XYLT1: variants seen among roughly 807,000 people sequenced by gnomAD.
XYLT1 encodes the protein xylosyltransferase 1, also known as beta-D-xylosyltransferase 1.
Under a neutral mutation model 91.3 loss-of-function variants are expected in XYLT1, and 36 were observed. The observed-to-expected ratio is 0.39, with a 90% CI of 0.30 to 0.52. The LOEUF (loss-of-function observed/expected upper bound fraction) is 0.52, where lower values mean the gene tolerates loss of function less well. Ranked by LOEUF, XYLT1 falls within the 20% of genes least tolerant of loss-of-function variation. The pLI, the probability that XYLT1 is intolerant of heterozygous loss-of-function variation, is 0.68. For missense variants in XYLT1, 1,242 were observed against 1,284.5 expected, an observed-to-expected ratio of 0.97 and a Z score of 0.51; for synonymous variants, 588 against 532.0, an observed-to-expected ratio of 1.11 and a Z score of -1.45.
At chr16:17,447,796 C>T (rs1027826294) in intron 1 of XYLT1, among the ~76,000 whole-genome samples, 1 of 152,184 alleles carries the variant, frequency 6.6e-6, no homozygotes. Flanking sequence ...GCCTCAATGT[C>T]CACATTTGTA....
At position 17,232,466 on chromosome 16, in the gene XYLT1, T is replaced by TA. The variant is rs56385418; in HGVS notation, c.913+26521_913+26522insT. The stretch of plus-strand genomic sequence containing the variant: ...ATATATATACATATATATATATATA[T>TA]TGCCCATGTCAAAAAGTTCTGAATC... On this transcript the variant is annotated intron_variant, in intron 3 of 11. Coordinates refer to ENST00000261381, the MANE Select transcript of XYLT1 (RefSeq NM_022166.4). Among the ~76,000 whole-genome samples the TA allele has an allele frequency of 2.6e-4, 37 of 143,130 alleles. No individual in the cohort carries two copies. In the South Asian group the frequency reaches 6.8e-3, roughly 26 times the overall value. The allele number at this position is 143,130 out of a possible 152,430, so 93.9% of individuals were successfully genotyped here. A position where few individuals can be genotyped will look rare whatever the true frequency, so the allele number is the denominator to read the frequency against.
intron 5 of XYLT1, among the ~76,000 whole-genome samples, chr16:17,174,517 G>A (rs895375657): frequency 2.0e-5 from 3 of 152,158 alleles, no homozygotes; most frequent in South Asian, 2.1e-4. Context: ...GAAGCCAGAC[G>A]TGAAATACCC....
At chr16:17,300,923 C>A (rs139313470) in intron 2 of XYLT1, among the ~76,000 whole-genome samples, 1 of 152,114 alleles carries the variant, frequency 6.6e-6, no homozygotes, top group Non-Finnish European at 1.5e-5. Flanking sequence ...ATCCATAAGA[C>A]AATTCAGATC....
At chr16:17,243,829 C>A (rs1414696257) in intron 3 of XYLT1, among the ~76,000 whole-genome samples, 1 of 152,054 alleles carries the variant, frequency 6.6e-6, no homozygotes, top group African/African-American at 2.4e-5. Context: ...GCTTTTCACA[C>A]CCAGGAGTGA....
At chr16:17,207,347 A>G (rs1469850883) in intron 3 of XYLT1, among the ~76,000 whole-genome samples, 6 of 152,150 alleles carry the variant, frequency 3.9e-5, no homozygotes, top group Admixed American at 3.9e-4. Flanking sequence ...GGCGTGAGCC[A>G]CAGCGCCTAG....
At chr16:17,288,846 G>A (rs1435802805) in intron 2 of XYLT1, among the ~76,000 whole-genome samples, 1 of 152,098 alleles carries the variant, frequency 6.6e-6, no homozygotes, top group Non-Finnish European at 1.5e-5. Flanking sequence ...GAACCATCTA[G>A]CTCACCCAAA....
At chr16:17,400,629 GAGGAAGGAAGGAAGGAAGGAAGGAAGGA>G (rs139881259) in intron 1 of XYLT1, among the ~76,000 whole-genome samples, 1 of 132,628 alleles carries the variant, frequency 7.5e-6, no homozygotes, top group Non-Finnish European at 1.6e-5. Context: ...GGGAGGAAGG[GAGGAAGGAAGGAAGGAAGGAAGGAAGGA>G]AGGAAGGAAG....
intron 2 of XYLT1, among the ~76,000 whole-genome samples, chr16:17,301,124 T>C (rs886388272): frequency 6.6e-6 from 1 of 151,766 alleles, no homozygotes; most frequent in Non-Finnish European, 1.5e-5. Flanking sequence ...AAAAAAAAAA[T>C]CTTAGGCTGG....
intron 2 of XYLT1, among the ~76,000 whole-genome samples, chr16:17,330,592 G>A (rs950574777): frequency 1.3e-5 from 2 of 151,570 alleles, no homozygotes; most frequent in African/African-American, 4.9e-5. Context: ...TTCGAGACCA[G>A]CCTGGCCAAC....
chr16:17,457,741 C>T (rs1046919782), intron 1 of XYLT1, among the ~76,000 whole-genome samples: 2 of 152,150 alleles, frequency 1.3e-5, no homozygotes, highest in Non-Finnish European at 2.9e-5. Flanking sequence ...ACAGCTGCCC[C>T]TTTTGAGCTA....
At chr16:17,315,329 A>G (rs891544355) in intron 2 of XYLT1, among the ~76,000 whole-genome samples, 42 of 152,148 alleles carry the variant, frequency 2.8e-4, no homozygotes, top group Admixed American at 7.2e-4. Flanking sequence ...GCATTTGCAC[A>G]TGTTCTTCCC....
chr16:17,136,123 C>CAATGGACTT (rs1386549931), intron 8 of XYLT1, among the ~76,000 whole-genome samples: 7 of 152,162 alleles, frequency 4.6e-5, no homozygotes, highest in Admixed American at 1.3e-4. Context: ...ATACGCAGGG[C>CAATGGACTT]AATGGACTTA....
At chr16:17,168,187 G>A (rs1015728422) in intron 5 of XYLT1, among the ~76,000 whole-genome samples, 19 of 152,302 alleles carry the variant, frequency 1.2e-4, no homozygotes, top group African/African-American at 4.3e-4. Flanking sequence ...ACATGGGATC[G>A]ATATAGGTGC....
intron 1 of XYLT1, among the ~76,000 whole-genome samples, chr16:17,428,479 C>T (rs982078241): frequency 7.9e-5 from 12 of 152,148 alleles, no homozygotes; most frequent in African/African-American, 2.9e-4. Flanking sequence ...AAGAGATGCA[C>T]CTGACTTGGC....
chr16:17,345,001 G>A lies in XYLT1; in HGVS notation c.402+13011C>T, dbSNP rs570943420. On this transcript the variant is annotated intron_variant, in intron 2 of 11. Transcript: ENST00000261381. ...TACATAGGCGTGAGCCACTGCGCCCGGCCTAACACAGGCAAGTCCACTACC... is the reference window on the plus strand; with the variant it reads ...TACATAGGCGTGAGCCACTGCGCCCAGCCTAACACAGGCAAGTCCACTACC... Among the ~76,000 whole-genome samples, 487 of 152,250 alleles carry A rather than the reference G, an allele frequency of 3.2e-3. 2 individuals are homozygous for A. The highest frequency in any genetic ancestry group is 6.8e-3 in the Middle Eastern group (2 of 294).
rs150531859 is a variant in XYLT1 at position 17,259,461 on chromosome 16, C to A, written c.440G>T (p.Arg147Leu). 1.9e-6 allele frequency: 3 copies of A among 1,611,836 alleles called. No homozygotes were observed. Among genetic ancestry groups the A allele is most frequent in the South Asian group, 1.1e-5 (1 of 91,028 alleles). ...YFSHRPKEKV[R>L]TDSNNENSVP... ...AGAGTTCTCGTTGTTGCTGTCTGTT[C>A]GCACTTTCTCTTTCGGCCGATGAGA... Residue 147 changes from arginine (R) to leucine (L), a missense_variant, in exon 3 of 12, where the codon CGA (arginine) becomes CTA (leucine). Transcript: ENST00000261381.
intron 2 of XYLT1, among the ~76,000 whole-genome samples, chr16:17,291,303 T>C (rs1180312405): frequency 6.6e-6 from 1 of 152,216 alleles, no homozygotes; most frequent in East Asian, 1.9e-4. Context: ...GTGCCTGGCC[T>C]AATTGTCTCA....
At chr16:17,114,876 G>A (rs996313969) in intron 11 of XYLT1, among the ~76,000 whole-genome samples, 6 of 151,656 alleles carry the variant, frequency 4.0e-5, no homozygotes, top group East Asian at 1.9e-4. Flanking sequence ...ACAGAGTCTC[G>A]CTTTGTCACC....
At chr16:17,288,778 C>A (rs1245080198) in intron 2 of XYLT1, among the ~76,000 whole-genome samples, 1 of 152,114 alleles carries the variant, frequency 6.6e-6, no homozygotes, top group Non-Finnish European at 1.5e-5. Flanking sequence ...TTAGAGGCAG[C>A]CAATCTCCAG....
Sources: gnomAD v4.1 joint callset for allele counts (sites outside exome capture counted in the v4.1 genomes callset) on GRCh38, gnomAD v4.1.1 for gene constraint, MANE v1.5 for transcripts, NCBI Gene and HGNC (gene_info 2026-07-23, HGNC 2026-07-21) for gene names.